Variants in SRPK2 observed in about 807,000 individuals in gnomAD.
SRPK2 encodes the protein SRSF protein kinase 2, also known as SFRS protein kinase 2.
In SRPK2, 21 loss-of-function variants were observed where a neutral mutation model predicts 90.8. The ratio of observed to expected loss-of-function variants is 0.23; its 90% CI spans 0.16 to 0.33. SRPK2 has a LOEUF of 0.33. Among genes scored for constraint, SRPK2 ranks in the 10% least tolerant of loss-of-function variants. The probability of loss-of-function intolerance (pLI) is 1.00; values close to 1 mark genes in which losing one functional copy is unlikely to be tolerated. For missense variants in SRPK2, 620 were observed against 869.0 expected, an observed-to-expected ratio of 0.71 and a Z score of 3.60; for synonymous variants, 288 against 311.1, an observed-to-expected ratio of 0.93 and a Z score of 0.78.
intron 11 of SRPK2, among the ~76,000 whole-genome samples, chr7:105,139,339 G>A (rs1803353953): frequency 6.6e-6 from 1 of 152,188 alleles, no homozygotes; most frequent in African/African-American, 2.4e-5. Flanking sequence ...CCACTTTAGG[G>A]ACAAGGCAAG....
At chr7:105,365,106 C>T (rs1818874105) in intron 2 of SRPK2, among the ~76,000 whole-genome samples, 1 of 152,160 alleles carries the variant, frequency 6.6e-6, no homozygotes, top group Admixed American at 6.6e-5. Context: ...CTGGTGCTTA[C>T]TTCTTTTCCT....
chr7:105,152,775 C>T (rs1356279250), intron 7 of SRPK2, among the ~76,000 whole-genome samples: 1 of 152,142 alleles, frequency 6.6e-6, no homozygotes, highest in African/African-American at 2.4e-5. Flanking sequence ...GTGACTCACG[C>T]CTGTAATCCC....
chr7:105,146,413 A>T lies in SRPK2; in HGVS notation c.787+80T>A. The T allele has an allele frequency of 2.7e-6, 4 of 1,473,242 alleles. No homozygotes were observed. In the East Asian group the frequency reaches 7.0e-5, roughly 26 times the overall value. 91.3% of individuals were successfully genotyped at this position (1,473,242 alleles called of 1,614,324 possible). ...AAATCTTCCTTATGTGTAACGTTTG[A>T]TTCAGATACCTTCAACAACTGCAAC... On this transcript the variant is annotated intron_variant, in intron 8 of 15. Coordinates refer to ENST00000393651, the MANE Select transcript of SRPK2 (RefSeq NM_182692.3).
intron 2 of SRPK2, among the ~76,000 whole-genome samples, chr7:105,322,711 A>T (rs531565857): frequency 1.9e-4 from 29 of 151,920 alleles, no homozygotes; most frequent in African/African-American, 7.0e-4. Flanking sequence ...TCACTTGTAA[A>T]ATGGTGAATT....
intron 2 of SRPK2, among the ~76,000 whole-genome samples, chr7:105,353,577 G>C (rs1759969133): frequency 6.6e-6 from 1 of 151,982 alleles, no homozygotes; most frequent in Admixed American, 6.6e-5. Context: ...CGTTGCTCAG[G>C]CTGGTCTCAA....
At chr7:105,158,812 G>GTT (rs376577359) in intron 7 of SRPK2, among the ~76,000 whole-genome samples, 29 of 132,688 alleles carry the variant, frequency 2.2e-4, no homozygotes, top group Admixed American at 3.7e-4. Flanking sequence ...GTTTTTTTGT[G>GTT]TTTTTTTTTT....
At chr7:105,383,713 T>C (rs1239415803) in intron 2 of SRPK2, among the ~76,000 whole-genome samples, 4 of 152,090 alleles carry the variant, frequency 2.6e-5, no homozygotes, top group Non-Finnish European at 5.9e-5. Flanking sequence ...CCACCACGCC[T>C]GGCCAGAAAT....
chr7:105,249,978 T>C (rs1309514991), intron 2 of SRPK2, among the ~76,000 whole-genome samples: 2 of 152,224 alleles, frequency 1.3e-5, no homozygotes, highest in African/African-American at 4.8e-5. Flanking sequence ...TTGTTGCCCA[T>C]GTGCCTCTCA....
intron 13 of SRPK2, among the ~76,000 whole-genome samples, chr7:105,127,484 T>C (rs1801368073): frequency 6.6e-6 from 1 of 152,234 alleles, no homozygotes; most frequent in African/African-American, 2.4e-5. Context: ...CTGCGTCTTT[T>C]AGGCGAAGAC....
chr7:105,178,732 C>A (rs903239433), intron 3 of SRPK2, among the ~76,000 whole-genome samples: 1 of 151,982 alleles, frequency 6.6e-6, no homozygotes, highest in Non-Finnish European at 1.5e-5. Context: ...TCACTTGGGT[C>A]CAGGAGGTCG....
At position 105,262,975 on chromosome 7, in the gene SRPK2, C is replaced by A. The variant is rs547090981; in HGVS notation, c.72-59190G>T. On this transcript the variant is annotated intron_variant, in intron 2 of 15. Transcript: ENST00000393651. The stretch of plus-strand genomic sequence containing the variant: ...CCACTAAAACTCAGCAACTGCACTC[C>A]TAGGAATATATTAAACAAATGCATG... Among the ~76,000 whole-genome samples, 32 of 152,236 alleles carry A rather than the reference C, an allele frequency of 2.1e-4. 1 individual carries two copies. In the East Asian group the frequency reaches 6.0e-3, roughly 28 times the overall value.
rs72277307 is a variant in SRPK2 at position 105,261,022 on chromosome 7, T to TAAAAA, written c.72-57242_72-57238dup. Among the ~76,000 whole-genome samples the TAAAAA allele has an allele frequency of 4.9e-3, 574 of 115,960 alleles. 16 individuals carry two copies. The highest frequency in any genetic ancestry group is 0.013 in the South Asian group (43 of 3,292). The allele number at this position is 115,960 out of a possible 152,430, so 76.1% of individuals were successfully genotyped here. ...CATTGTGCATATGTACCCTAGAAAT[T>TAAAAA]AAAAAAAAAAAAAAAAAAAACAGTA... On this transcript the variant is annotated intron_variant, in intron 2 of 15. Coordinates refer to ENST00000393651, the MANE Select transcript of SRPK2 (RefSeq NM_182692.3).
At chr7:105,363,724 A>G (rs1818697313) in intron 2 of SRPK2, among the ~76,000 whole-genome samples, 1 of 152,178 alleles carries the variant, frequency 6.6e-6, no homozygotes, top group African/African-American at 2.4e-5. Context: ...CTTACTACAC[A>G]TGCACATGTA....
At chr7:105,331,337 A>AAAAAAAG (rs1554512429) in intron 2 of SRPK2, among the ~76,000 whole-genome samples, 1 of 141,828 alleles carries the variant, frequency 7.1e-6, no homozygotes, top group Admixed American at 7.0e-5. Flanking sequence ...AAAAAAAAAA[A>AAAAAAAG]CAAATAGTTA....
chr7:105,339,309 A>G (rs1281500068), intron 2 of SRPK2, among the ~76,000 whole-genome samples: 1 of 152,210 alleles, frequency 6.6e-6, no homozygotes, highest in Non-Finnish European at 1.5e-5. Context: ...AATAATCCAA[A>G]CTAGTTTTGG....
intron 2 of SRPK2, among the ~76,000 whole-genome samples, chr7:105,219,644 A>C (rs1797867243): frequency 6.6e-6 from 1 of 152,220 alleles, no homozygotes; most frequent in Non-Finnish European, 1.5e-5. Context: ...CCTTACTTAG[A>C]CATTAAATAA....
At chr7:105,152,451 G>A (rs1027328765) in intron 7 of SRPK2, among the ~76,000 whole-genome samples, 3 of 152,028 alleles carry the variant, frequency 2.0e-5, no homozygotes, top group Non-Finnish European at 4.4e-5. Context: ...TGCCTGGCCA[G>A]AACTACTATT....
intron 7 of SRPK2, among the ~76,000 whole-genome samples, chr7:105,153,407 C>G (rs1359602821): frequency 2.0e-5 from 3 of 152,126 alleles, no homozygotes; most frequent in African/African-American, 7.2e-5. Context: ...TTCTGTACAT[C>G]AACATTTGTG....
chr7:105,210,433 A>C (rs1796710809), intron 2 of SRPK2, among the ~76,000 whole-genome samples: 1 of 152,152 alleles, frequency 6.6e-6, no homozygotes, highest in Non-Finnish European at 1.5e-5. Context: ...AGAAATACCC[A>C]ATTTCTAATT....
Sources: allele counts gnomAD v4.1 joint callset (sites outside exome capture counted in the v4.1 genomes callset), GRCh38; gene constraint gnomAD v4.1.1; transcripts MANE v1.5; gene names NCBI Gene and HGNC (gene_info 2026-07-23, HGNC 2026-07-21).